Variants in NEBL observed in about 807,000 individuals in gnomAD.
NEBL encodes nebulette.
Under a neutral mutation model 140.2 loss-of-function variants are expected in NEBL, and 122 were observed. That is an observed-to-expected ratio of 0.87 (90% CI 0.75 to 1.01). The LOEUF is 1.01. NEBL is among the 50% of genes least tolerant of loss of function. NEBL has a pLI of 0.00. For synonymous variants in NEBL, 436 were observed against 398.9 expected, an observed-to-expected ratio of 1.09 and a Z score of -1.11; for missense variants, 1,365 against 1,231.3, an observed-to-expected ratio of 1.11 and a Z score of -1.62.
intron 3 of NEBL, among the ~76,000 whole-genome samples, chr10:21,196,182 T>C (rs1841644172): frequency 6.6e-6 from 1 of 151,804 alleles, no homozygotes; most frequent in African/African-American, 2.4e-5. Flanking sequence ...TTTTGTATTT[T>C]TAGTAGAGAC....
chr10:21,093,981 A>G (rs1293051001), intron 2 of NEBL, among the ~76,000 whole-genome samples: 6 of 152,210 alleles, frequency 3.9e-5, no homozygotes, highest in Non-Finnish European at 8.8e-5. Flanking sequence ...TAAGCTTTCC[A>G]TAGAAAACTA....
intron 2 of NEBL, among the ~76,000 whole-genome samples, chr10:21,105,970 C>T (rs529320791): frequency 1.8e-4 from 28 of 152,202 alleles, no homozygotes; most frequent in Admixed American, 1.7e-3. Context: ...TGTCTGTTGG[C>T]TGCATAAATG....
intron 2 of NEBL, among the ~76,000 whole-genome samples, chr10:21,142,730 C>T (rs1839694888): frequency 6.6e-6 from 1 of 152,100 alleles, no homozygotes; most frequent in African/African-American, 2.4e-5. Context: ...CTGAGATCAG[C>T]GGTGGTATTA....
At chr10:21,108,648 G>T (rs1481905181) in intron 2 of NEBL, among the ~76,000 whole-genome samples, 1 of 152,142 alleles carries the variant, frequency 6.6e-6, no homozygotes, top group Non-Finnish European at 1.5e-5. Flanking sequence ...ATTGATTTGG[G>T]GTGGAGAGTT....
chr10:20,971,612 A>ATT (rs1232484471), intron 3 of NEBL, among the ~76,000 whole-genome samples: 19 of 71,012 alleles, frequency 2.7e-4, no homozygotes, highest in Middle Eastern at 8.8e-3. Flanking sequence ...CAACCCTAGA[A>ATT]TTTTTTTTTT....
intron 4 of NEBL, among the ~76,000 whole-genome samples, chr10:20,923,751 G>A (rs959943174): frequency 2.2e-5 from 3 of 136,596 alleles, no homozygotes; most frequent in African/African-American, 8.1e-5. Context: ...CTGATTTAAT[G>A]TTGAAGCTGT....
chr10:20,925,070 T>C (rs1322185552), intron 4 of NEBL, among the ~76,000 whole-genome samples: 6 of 151,678 alleles, frequency 4.0e-5, no homozygotes, highest in Non-Finnish European at 8.8e-5. Flanking sequence ...AAATGCAAAG[T>C]GTAGCCCCGG....
At chr10:21,087,265 T>A (rs1388243965) in intron 2 of NEBL, among the ~76,000 whole-genome samples, 1 of 152,212 alleles carries the variant, frequency 6.6e-6, no homozygotes, top group Non-Finnish European at 1.5e-5. Context: ...AGTCAGTAAT[T>A]TTTCTGAAAA....
At chr10:20,850,052 T>G (rs1842357790) in intron 11 of NEBL, among the ~76,000 whole-genome samples, 1 of 152,192 alleles carries the variant, frequency 6.6e-6, no homozygotes, top group African/African-American at 2.4e-5. Flanking sequence ...CGTTTTTAGT[T>G]TTTATGAACT....
chr10:21,004,581 A>C (rs944752366), intron 3 of NEBL, among the ~76,000 whole-genome samples: 15 of 152,082 alleles, frequency 9.9e-5, no homozygotes, highest in African/African-American at 3.6e-4. Flanking sequence ...TCAGCCAGGC[A>C]TGGTGGCAGG....
At chr10:21,120,926 T>C (rs1461900263) in intron 2 of NEBL, among the ~76,000 whole-genome samples, 1 of 152,154 alleles carries the variant, frequency 6.6e-6, no homozygotes, top group East Asian at 1.9e-4. Context: ...GTTTACCATA[T>C]TCTTTGTCCC....
chr10:21,156,688 C>T (rs1840349658), intron 2 of NEBL, among the ~76,000 whole-genome samples: 1 of 151,894 alleles, frequency 6.6e-6, no homozygotes, highest in South Asian at 2.1e-4. Flanking sequence ...AGATACAATC[C>T]TTCATTGCTT....
chr10:21,288,820 G>GTGTATGTATATATATATATATATA (rs1477748950), intron 1 of NEBL, among the ~76,000 whole-genome samples: 1 of 35,026 alleles, frequency 2.9e-5, no homozygotes, highest in African/African-American at 9.7e-5. Context: ...GTGTGTGTGT[G>GTGTATGTATATATATATATATATA]TATATATATA....
intron 3 of NEBL, among the ~76,000 whole-genome samples, chr10:21,227,693 TTCTTCTTCTTCTTCTTCTTTC>T (rs1842175025): frequency 4.0e-4 from 36 of 90,998 alleles, no homozygotes; most frequent in African/African-American, 1.9e-3. Flanking sequence ...CTTCTTCTTC[TTCTTCTTCTTCTTCTTCTTTC>T]TTCTTCTTCT....
intron 3 of NEBL, among the ~76,000 whole-genome samples, chr10:21,200,829 A>C (rs1185207408): frequency 1.3e-5 from 2 of 152,176 alleles, no homozygotes; most frequent in Non-Finnish European, 2.9e-5. Flanking sequence ...AGTGGAGGCC[A>C]GGCACAGTGG....
chr10:21,072,242 TC>T (rs1254668895), intron 2 of NEBL, among the ~76,000 whole-genome samples: 5 of 152,144 alleles, frequency 3.3e-5, no homozygotes, highest in Non-Finnish European at 7.4e-5. Flanking sequence ...TATCTTAGTC[TC>T]CTCATAGCCC....
intron 3 of NEBL, among the ~76,000 whole-genome samples, chr10:21,006,659 A>T (rs148181577): frequency 9.9e-5 from 15 of 152,276 alleles, no homozygotes; most frequent in African/African-American, 3.6e-4. Context: ...CCAAAGGAGG[A>T]GTTGCATGGC....
chr10:20,866,032 ACAAT>A (rs1169781610), intron 7 of NEBL, among the ~76,000 whole-genome samples: 1 of 152,116 alleles, frequency 6.6e-6, no homozygotes, highest in Non-Finnish European at 1.5e-5. Context: ...TGTTTTCTTC[ACAAT>A]CAATCTTTGC....
chr10:20,787,152 G>A (rs1835481297), intron 27 of NEBL, 50 bp downstream of exon 27: 1 of 1,335,280 alleles, frequency 7.5e-7, no homozygotes, highest in Admixed American at 1.8e-5. Flanking sequence ...ACATGCTTGA[G>A]GGGAAATGGG....
Sources: gnomAD v4.1 joint callset for allele counts (sites outside exome capture counted in the v4.1 genomes callset) on GRCh38, gnomAD v4.1.1 for gene constraint, MANE v1.5 for transcripts, NCBI Gene and HGNC (gene_info 2026-07-23, HGNC 2026-07-21) for gene names.